DSCAM: variants seen among roughly 807,000 people sequenced by gnomAD.
DSCAM encodes cell adhesion molecule DSCAM.
Under a neutral mutation model 217.7 loss-of-function variants are expected in DSCAM, and 47 were observed. The observed-to-expected ratio is 0.22, with a 90% CI of 0.17 to 0.28. The LOEUF (loss-of-function observed/expected upper bound fraction) is 0.28. Among genes scored for constraint, DSCAM ranks in the 10% least tolerant of loss-of-function variants. The pLI, the probability that DSCAM is intolerant of heterozygous loss-of-function variation, is 1.00. For missense variants in DSCAM, 2,080 were observed against 2,618.3 expected (o/e 0.79, Z 4.49); for synonymous variants, 1,056 against 1,015.3 (o/e 1.04, Z -0.76).
chr21:40,658,807 T>C (rs1036129314), intron 3 of DSCAM, among the ~76,000 whole-genome samples: 2 of 152,206 alleles, frequency 1.3e-5, no homozygotes, highest in Non-Finnish European at 2.9e-5. Flanking sequence ...GCTCTTATTA[T>C]GTACTTGTAA....
intron 3 of DSCAM, among the ~76,000 whole-genome samples, chr21:40,456,493 T>C (rs1158519305): frequency 6.6e-6 from 1 of 152,086 alleles, no homozygotes; most frequent in Non-Finnish European, 1.5e-5. Flanking sequence ...TAGGCAGGAA[T>C]TGCAGGGGCT....
At position 40,155,481 on chromosome 21, in the gene DSCAM, A is replaced by G. The variant is rs112555739; in HGVS notation, c.3019-10750T>C. On this transcript the variant is annotated intron_variant, in intron 16 of 32. Coordinates refer to ENST00000400454, the MANE Select transcript of DSCAM (RefSeq NM_001389.5). Reference sequence around the variant, plus strand: ...CCTCTGCAGGTAATGGAGGCCCTGTAACGGCAGTGTGGCCAAGGAGGGCAG... The same window carrying G: ...CCTCTGCAGGTAATGGAGGCCCTGTGACGGCAGTGTGGCCAAGGAGGGCAG... Among the ~76,000 whole-genome samples the G allele has an allele frequency of 2.7e-3, 405 of 152,286 alleles. 4 individuals carry two copies. Among genetic ancestry groups the G allele is most frequent in the African/African-American group, 9.3e-3 (388 of 41,574 alleles).
intron 1 of DSCAM, among the ~76,000 whole-genome samples, chr21:40,726,875 T>C (rs2146517727): frequency 6.6e-6 from 1 of 152,080 alleles, no homozygotes; most frequent in Admixed American, 6.5e-5. Context: ...GATTAGTGGG[T>C]GGGTTGTCAT....
At chr21:40,371,036 C>T (rs966276568) in intron 3 of DSCAM, among the ~76,000 whole-genome samples, 2 of 152,102 alleles carry the variant, frequency 1.3e-5, no homozygotes, top group African/African-American at 4.8e-5. Context: ...CAAATACTGA[C>T]CTTGTATAAG....
chr21:40,438,773 C>T (rs1346935453), intron 3 of DSCAM, among the ~76,000 whole-genome samples: 2 of 152,180 alleles, frequency 1.3e-5, no homozygotes, highest in South Asian at 2.1e-4. Flanking sequence ...GCAGACCTTT[C>T]ATCTCTCACG....
At chr21:40,360,073 G>C (rs1316026794) in intron 4 of DSCAM, among the ~76,000 whole-genome samples, 1 of 149,264 alleles carries the variant, frequency 6.7e-6, no homozygotes, top group Non-Finnish European at 1.5e-5. Flanking sequence ...CTGAGGTTTG[G>C]AGTAGAGATC....
At position 40,214,681 on chromosome 21, in the gene DSCAM, A is replaced by C. The variant is rs544167875; in HGVS notation, c.2357-25443T>G. On this transcript the variant is annotated intron_variant, in intron 11 of 32. Transcript: ENST00000400454. ...AGATTTCCAGCAAATGGAAGCCAAAAACAAGGAGTAGCGATTCTGATATCA... is the reference window on the plus strand; with the variant it reads ...AGATTTCCAGCAAATGGAAGCCAAACACAAGGAGTAGCGATTCTGATATCA... Among the ~76,000 whole-genome samples, 8 of 151,940 alleles carry C rather than the reference A, an allele frequency of 5.3e-5. No homozygotes were observed. In the East Asian group the frequency reaches 1.5e-3, roughly 29 times the overall value.
At chr21:40,348,564 C>G (rs1207043240) in intron 5 of DSCAM, among the ~76,000 whole-genome samples, 1 of 152,208 alleles carries the variant, frequency 6.6e-6, no homozygotes, top group African/African-American at 2.4e-5. Flanking sequence ...ATACTCCTAA[C>G]AGTTCTTATC....
At chr21:40,671,562 G>A (rs907233825) in intron 3 of DSCAM, among the ~76,000 whole-genome samples, 2 of 151,916 alleles carry the variant, frequency 1.3e-5, no homozygotes, top group Non-Finnish European at 2.9e-5. Flanking sequence ...GGTGGTGTGT[G>A]CCTGTAGTCC....
At chr21:40,188,375 C>T (rs144316425) in intron 12 of DSCAM, among the ~76,000 whole-genome samples, 50 of 152,160 alleles carry the variant, frequency 3.3e-4, no homozygotes, top group Non-Finnish European at 6.3e-4. Flanking sequence ...CCTAAAGAGA[C>T]AGATTAAATA....
intron 3 of DSCAM, among the ~76,000 whole-genome samples, chr21:40,632,788 G>A (rs1212858010): frequency 6.6e-6 from 1 of 152,120 alleles, no homozygotes; most frequent in African/African-American, 2.4e-5. Flanking sequence ...TAACTGTGCT[G>A]CATCCACAGG....
chr21:40,706,208 A>T (rs940249202), intron 2 of DSCAM, among the ~76,000 whole-genome samples: 4 of 151,806 alleles, frequency 2.6e-5, no homozygotes, highest in Non-Finnish European at 5.9e-5. Flanking sequence ...AAAGAAAGAA[A>T]GAAAGAAAGC....
At chr21:40,657,806 T>A (rs1368722628) in intron 3 of DSCAM, among the ~76,000 whole-genome samples, 1 of 152,130 alleles carries the variant, frequency 6.6e-6, no homozygotes, top group Admixed American at 6.5e-5. Flanking sequence ...GATGAATAAC[T>A]ATTAGTACCT....
intron 3 of DSCAM, among the ~76,000 whole-genome samples, chr21:40,667,573 A>C (rs1032625791): frequency 6.6e-6 from 1 of 152,130 alleles, no homozygotes; most frequent in African/African-American, 2.4e-5. Context: ...CTCATCTTGT[A>C]GTTCCCATAA....
intron 8 of DSCAM, among the ~76,000 whole-genome samples, chr21:40,317,687 G>A (rs775541557): frequency 1.3e-5 from 2 of 151,976 alleles, no homozygotes; most frequent in African/African-American, 2.4e-5. Context: ...ACGCCACTAG[G>A]CTTGGCTAAT....
Position 40,204,434 on chromosome 21 carries a change from G to A in DSCAM, c.2357-15196C>T, listed in dbSNP as rs2091102519. 1.3e-5 allele frequency among the ~76,000 whole-genome samples: 2 copies of A among 152,126 alleles called. 1 individual carries two copies. The highest frequency in any genetic ancestry group is 4.1e-4 in the South Asian group (2 of 4,830). On this transcript the variant is annotated intron_variant, in intron 11 of 32. Coordinates refer to ENST00000400454, the MANE Select transcript of DSCAM (RefSeq NM_001389.5). ...AATTTTGTGTGAAAGCCAAGATGAT[G>A]CATTTTTATTATGTTTATTAGAAAA...
At chr21:40,636,217 A>T (rs1434614757) in intron 3 of DSCAM, among the ~76,000 whole-genome samples, 1 of 152,130 alleles carries the variant, frequency 6.6e-6, no homozygotes, top group East Asian at 1.9e-4. Context: ...AGGATTATGC[A>T]TAAGATGCAC....
chr21:40,121,560 CCAT>C (rs2090033456), intron 20 of DSCAM, among the ~76,000 whole-genome samples: 1 of 151,966 alleles, frequency 6.6e-6, no homozygotes, highest in Admixed American at 6.6e-5. Flanking sequence ...AGGCACCTGC[CCAT>C]CATATTTCTA....
intron 3 of DSCAM, among the ~76,000 whole-genome samples, chr21:40,398,381 G>A (rs1487935559): frequency 1.3e-5 from 2 of 152,022 alleles, no homozygotes; most frequent in African/African-American, 4.8e-5. Flanking sequence ...TTTCTCCCCT[G>A]TGCTCACTCA....
Sources: allele counts gnomAD v4.1 joint callset (sites outside exome capture counted in the v4.1 genomes callset), GRCh38; gene constraint gnomAD v4.1.1; transcripts MANE v1.5; gene names NCBI Gene and HGNC (gene_info 2026-07-23, HGNC 2026-07-21).